The following OPA1 variants were observed in gnomAD, a reference collection of about 807,000 sequenced individuals.
OPA1 encodes the protein OPA1 mitochondrial dynamin like GTPase.
Under a neutral mutation model 152.9 loss-of-function variants are expected in OPA1, and 59 were observed. The ratio of observed to expected loss-of-function variants is 0.39; its 90% CI spans 0.31 to 0.48. The LOEUF (loss-of-function observed/expected upper bound fraction) is 0.48. Ranked by LOEUF, OPA1 falls within the 20% of genes least tolerant of loss-of-function variation. The pLI is 0.96. For missense variants in OPA1, 1,008 were observed against 1,216.8 expected, an observed-to-expected ratio of 0.83 and a Z score of 2.55; for synonymous variants, 400 against 389.9, an observed-to-expected ratio of 1.03 and a Z score of -0.31.
At chr3:193,615,967 CTGTT>C (rs1302297996) in intron 3 of OPA1, among the ~76,000 whole-genome samples, 197 bp downstream of exon 3, 1 of 152,126 alleles carries the variant, frequency 6.6e-6, no homozygotes, top group East Asian at 1.9e-4. Flanking sequence ...CTGCCACTAA[CTGTT>C]TGGAGCATTT....
intron 27 of OPA1, among the ~76,000 whole-genome samples, chr3:193,665,207 A>G (rs929064342): frequency 6.6e-6 from 1 of 152,062 alleles, no homozygotes; most frequent in Non-Finnish European, 1.5e-5. Flanking sequence ...CCCAATGCTT[A>G]TAAGAATATG....
intron 26 of OPA1, among the ~76,000 whole-genome samples, chr3:193,663,477 T>G (rs1026311045): frequency 6.6e-6 from 1 of 152,162 alleles, no homozygotes. Flanking sequence ...GTCTACACTT[T>G]AGGCTACTTT....
intron 11 of OPA1, among the ~76,000 whole-genome samples, chr3:193,642,294 G>A (rs147260670): frequency 9.8e-4 from 149 of 152,258 alleles, no homozygotes; most frequent in African/African-American, 3.4e-3. Context: ...GTCTAAAACT[G>A]GGACAGTCAG....
chr3:193,638,910 A>C (rs1013875239), intron 11 of OPA1, among the ~76,000 whole-genome samples: 6 of 152,204 alleles, frequency 3.9e-5, no homozygotes, highest in Non-Finnish European at 8.8e-5. Flanking sequence ...ATGTTGGGGC[A>C]AATGCTGCAG....
intron 29 of OPA1, among the ~76,000 whole-genome samples, chr3:193,681,783 C>CT (rs35978771): frequency 0.078 from 11,859 of 152,250 alleles, 514 homozygotes; most frequent in Admixed American, 0.13. Flanking sequence ...TTGGGTACCA[C>CT]TAACTGTGCC....
intron 18 of OPA1, among the ~76,000 whole-genome samples, chr3:193,646,748 G>A (rs568277261): frequency 4.6e-5 from 7 of 151,978 alleles, no homozygotes; most frequent in African/African-American, 7.3e-5. Context: ...ACTCCAGCCC[G>A]GACGACAGTG....
At chr3:193,637,385 C>A in intron 10 of OPA1, 104 bp downstream of exon 10, 1 of 612,750 alleles carries the variant, frequency 1.6e-6, no homozygotes, top group Non-Finnish European at 2.9e-6. Context: ...TATATACATA[C>A]TAGATGTAGG....
chr3:193,606,729 G>A (rs1375526698), intron 1 of OPA1, among the ~76,000 whole-genome samples: 1 of 152,232 alleles, frequency 6.6e-6, no homozygotes, highest in South Asian at 2.1e-4. Flanking sequence ...ATAAACATAC[G>A]TGTGCATGTG....
At chr3:193,655,593 A>T (rs1435759611) in intron 22 of OPA1, among the ~76,000 whole-genome samples, 1 of 152,164 alleles carries the variant, frequency 6.6e-6, no homozygotes, top group African/African-American at 2.4e-5. Flanking sequence ...TAGTTGCTTA[A>T]CTTTCCTATG....
At chr3:193,662,420 T>C (rs558449545) in intron 25 of OPA1, among the ~76,000 whole-genome samples, 1 of 152,200 alleles carries the variant, frequency 6.6e-6, no homozygotes, top group Non-Finnish European at 1.5e-5. Flanking sequence ...TTCTTAGATA[T>C]GAAGCATTTT....
At chr3:193,611,344 A>G (rs1436592394) in intron 1 of OPA1, among the ~76,000 whole-genome samples, 1 of 152,104 alleles carries the variant, frequency 6.6e-6, no homozygotes, top group Non-Finnish European at 1.5e-5. Flanking sequence ...CACGCCTGTA[A>G]TCCCAGCACT....
intron 29 of OPA1, among the ~76,000 whole-genome samples, chr3:193,690,356 A>T (rs1721514727): frequency 8.3e-6 from 1 of 120,608 alleles, no homozygotes; most frequent in Non-Finnish European, 1.6e-5. Context: ...TCTGAATCTA[A>T]TGCCTAGAAT....
At chr3:193,633,859 T>C (rs1732498138) in intron 8 of OPA1, among the ~76,000 whole-genome samples, 1 of 152,222 alleles carries the variant, frequency 6.6e-6, no homozygotes, top group African/African-American at 2.4e-5. Context: ...CCTTAGATAC[T>C]ACCAGAATTT....
chr3:193,614,297 A>G (rs144338165), intron 1 of OPA1, among the ~76,000 whole-genome samples: 1 of 152,356 alleles, frequency 6.6e-6, no homozygotes, highest in East Asian at 1.9e-4. Context: ...TTTTACTTAC[A>G]GTGAATAGTA....
chr3:193,651,074 C>T (rs1013037867), intron 21 of OPA1, among the ~76,000 whole-genome samples: 5 of 151,994 alleles, frequency 3.3e-5, no homozygotes, highest in Non-Finnish European at 7.4e-5. Flanking sequence ...GTGGCTTTAA[C>T]ATAAATGGGG....
At chr3:193,624,995 A>G (rs1730824243) in intron 6 of OPA1, among the ~76,000 whole-genome samples, 1 of 152,124 alleles carries the variant, frequency 6.6e-6, no homozygotes, top group Non-Finnish European at 1.5e-5. Context: ...TTGTTTTCCC[A>G]GAACGCTGTT....
chr3:193,674,508 C>G (rs1378950040), intron 29 of OPA1, among the ~76,000 whole-genome samples: 1 of 152,148 alleles, frequency 6.6e-6, no homozygotes, highest in Non-Finnish European at 1.5e-5. Flanking sequence ...AGAAATGTAT[C>G]ATAACTGCTT....
chr3:193,635,711 T>TTATAC (rs1437016342), intron 9 of OPA1, among the ~76,000 whole-genome samples, 189 bp downstream of exon 9: 1 of 152,230 alleles, frequency 6.6e-6, no homozygotes, highest in East Asian at 1.9e-4. Flanking sequence ...AATACTTGTT[T>TTATAC]TATACTATGC....
chr3:193,608,793 G>A (rs1476547299), intron 1 of OPA1, among the ~76,000 whole-genome samples: 3 of 152,114 alleles, frequency 2.0e-5, no homozygotes, highest in Non-Finnish European at 4.4e-5. Flanking sequence ...GTCTAATGTT[G>A]ACAGTGGGGT....
Sources: allele counts gnomAD v4.1 joint callset (sites outside exome capture counted in the v4.1 genomes callset), GRCh38; gene constraint gnomAD v4.1.1; transcripts MANE v1.5; gene names NCBI Gene and HGNC (gene_info 2026-07-23, HGNC 2026-07-21).